PLXNA4: variants seen among roughly 807,000 people sequenced by gnomAD.
The protein encoded by PLXNA4 is plexin A4.
A neutral mutation model predicts 191.8 loss-of-function variants in PLXNA4; 44 were observed. That is an observed-to-expected ratio of 0.23 (90% CI 0.18 to 0.29). The LOEUF is 0.29. Ranked by LOEUF, PLXNA4 falls within the 10% of genes least tolerant of loss-of-function variation. PLXNA4 has a pLI of 1.00. For synonymous variants in PLXNA4, 1,082 were observed against 1,009.5 expected (o/e 1.07, Z -1.36); for missense variants, 1,800 against 2,488.8 (o/e 0.72, Z 5.89).
At position 132,412,070 on chromosome 7, in the gene PLXNA4, G is replaced by A. The variant is rs894611827; in HGVS notation, c.1371+77222C>T. Among the ~76,000 whole-genome samples the A allele has an allele frequency of 5.9e-5, 9 of 151,988 alleles. No homozygotes were observed. The East Asian group carries it at 1.4e-3, about 23-fold the overall frequency. Reference sequence around the variant, plus strand: ...AACCCCCAGGTAGGACTGTGTCCTCGACTTAGAACACTCTTCCCCTCACCT... The same window carrying A: ...AACCCCCAGGTAGGACTGTGTCCTCAACTTAGAACACTCTTCCCCTCACCT... On this transcript the variant is annotated intron_variant, in intron 3 of 31. Coordinates refer to ENST00000321063, the MANE Select transcript of PLXNA4 (RefSeq NM_020911.2).
chr7:132,138,431 T>C (rs1480367725), intron 30 of PLXNA4, among the ~76,000 whole-genome samples: 2 of 152,074 alleles, frequency 1.3e-5, no homozygotes, highest in African/African-American at 2.4e-5. Context: ...CTGCCGGACT[T>C]TACTTTCCCC....
intron 2 of PLXNA4, among the ~76,000 whole-genome samples, chr7:132,608,824 C>A (rs543629509): frequency 6.6e-6 from 1 of 152,198 alleles, no homozygotes; most frequent in Non-Finnish European, 1.5e-5. Context: ...ACTCCACTGA[C>A]TAAAAACTCT....
At chr7:132,217,944 G>A (rs1798020674) in intron 9 of PLXNA4, among the ~76,000 whole-genome samples, 2 of 142,010 alleles carry the variant, frequency 1.4e-5, no homozygotes, top group African/African-American at 5.4e-5. Context: ...AGGGTGAAAG[G>A]CATGGCAGGG....
At chr7:132,165,092 T>C (rs1796083440) in intron 23 of PLXNA4, 42 bp downstream of exon 23, 1 of 1,600,108 alleles carries the variant, frequency 6.2e-7, no homozygotes, top group Admixed American at 1.7e-5. Context: ...CTGCAGAGAA[T>C]GAACGAGGCA....
intron 5 of PLXNA4, among the ~76,000 whole-genome samples, chr7:132,235,136 G>A (rs1798653693): frequency 6.6e-6 from 1 of 152,202 alleles, no homozygotes; most frequent in Non-Finnish European, 1.5e-5. Context: ...TCCAGTCCTG[G>A]GGAGGAGAGG....
At chr7:132,336,054 A>C (rs930122877) in intron 3 of PLXNA4, among the ~76,000 whole-genome samples, 1 of 152,218 alleles carries the variant, frequency 6.6e-6, no homozygotes, top group East Asian at 1.9e-4. Context: ...AGCAGAGCTG[A>C]CATATTCTCT....
At chr7:132,358,810 G>A (rs773562666) in intron 3 of PLXNA4, among the ~76,000 whole-genome samples, 1 of 152,164 alleles carries the variant, frequency 6.6e-6, no homozygotes, top group African/African-American at 2.4e-5. Context: ...CATAGGCAGG[G>A]CTAGGGTGGG....
intron 1 of PLXNA4, among the ~76,000 whole-genome samples, chr7:132,570,421 C>T (rs138758622): frequency 4.0e-4 from 61 of 152,354 alleles, no homozygotes; most frequent in African/African-American, 1.4e-3. Flanking sequence ...GCCTTGCTTA[C>T]TTCTTTCCTC....
chr7:132,550,092 GCTATA>G (rs930596070), intron 1 of PLXNA4, among the ~76,000 whole-genome samples: 3 of 152,184 alleles, frequency 2.0e-5, no homozygotes, highest in African/African-American at 7.2e-5. Flanking sequence ...TAAGGCTAGG[GCTATA>G]CCCCACCTGC....
chr7:132,221,593 C>T (rs1334775114), intron 9 of PLXNA4, among the ~76,000 whole-genome samples: 2 of 152,296 alleles, frequency 1.3e-5, no homozygotes, highest in African/African-American at 4.8e-5. Context: ...CAAGGACATG[C>T]CCTTGCTGTC....
chr7:132,553,266 G>C (rs1800642495), intron 1 of PLXNA4, among the ~76,000 whole-genome samples: 1 of 152,192 alleles, frequency 6.6e-6, no homozygotes. Flanking sequence ...ACACATAAAG[G>C]AAGTGTGGGG....
chr7:132,432,921 T>C (rs1795322260), intron 3 of PLXNA4, among the ~76,000 whole-genome samples: 1 of 152,204 alleles, frequency 6.6e-6, no homozygotes, highest in African/African-American at 2.4e-5. Context: ...TGCAAACAAG[T>C]ACAGTACATT....
intron 2 of PLXNA4, among the ~76,000 whole-genome samples, chr7:132,623,319 C>G (rs1803307376): frequency 6.7e-6 from 1 of 150,138 alleles, no homozygotes; most frequent in African/African-American, 2.5e-5. Context: ...GCACTCCAGC[C>G]TGGGTGACAA....
chr7:132,195,712 C>T (rs1010352355), intron 13 of PLXNA4, among the ~76,000 whole-genome samples: 4 of 152,168 alleles, frequency 2.6e-5, no homozygotes, highest in African/African-American at 4.8e-5. Flanking sequence ...TTTTTAAGAT[C>T]TCATATAGCC....
intron 2 of PLXNA4, among the ~76,000 whole-genome samples, chr7:132,608,822 G>C (rs1035115643): frequency 1.3e-5 from 2 of 152,120 alleles, no homozygotes; most frequent in African/African-American, 4.8e-5. Flanking sequence ...TCACTCCACT[G>C]ACTAAAAACT....
chr7:132,392,735 G>A (rs1038865805), intron 3 of PLXNA4, among the ~76,000 whole-genome samples: 38 of 152,240 alleles, frequency 2.5e-4, no homozygotes, highest in Admixed American at 1.1e-3. Context: ...AGGATGGGCC[G>A]CTGTTGGAGG....
intron 3 of PLXNA4, among the ~76,000 whole-genome samples, chr7:132,324,397 T>C (rs1027576346): frequency 6.6e-6 from 1 of 152,192 alleles, no homozygotes; most frequent in African/African-American, 2.4e-5. Flanking sequence ...CAATGATAGA[T>C]TGTGATAAGT....
chr7:132,603,298 AC>A (rs35530184), intron 2 of PLXNA4, among the ~76,000 whole-genome samples: 128,003 of 151,802 alleles, frequency 0.84, 55,622 homozygotes, highest in Non-Finnish European at 0.97. Flanking sequence ...AATTAATTCC[AC>A]CCCGGGAAGA....
At chr7:132,468,734 GCACACA>G (rs36218194) in intron 3 of PLXNA4, among the ~76,000 whole-genome samples, 14,236 of 145,218 alleles carry the variant, frequency 0.098, 844 homozygotes, top group African/African-American at 0.18. Context: ...ATATGCACAC[GCACACA>G]CACACACACA....
Sources: gnomAD v4.1 joint callset for allele counts (sites outside exome capture counted in the v4.1 genomes callset) on GRCh38, gnomAD v4.1.1 for gene constraint, MANE v1.5 for transcripts, NCBI Gene and HGNC (gene_info 2026-07-23, HGNC 2026-07-21) for gene names.